CDC20B: variants seen among roughly 807,000 people sequenced by gnomAD.
The protein encoded by CDC20B is cell division cycle protein 20 homolog B.
CDC20B carries 58 observed loss-of-function variants against 64.1 expected under a neutral mutation model. The ratio of observed to expected loss-of-function variants is 0.90; its 90% CI spans 0.73 to 1.13. The LOEUF is 1.13. Among genes scored for constraint, CDC20B ranks in the 50% most tolerant of loss-of-function variants. The pLI, the probability that CDC20B is intolerant of heterozygous loss-of-function variation, is 0.00. For synonymous variants in CDC20B, 243 were observed against 230.6 expected (o/e 1.05, Z -0.49); for missense variants, 597 against 633.0 (o/e 0.94, Z 0.61).
intron 6 of CDC20B, among the ~76,000 whole-genome samples, chr5:55,129,736 A>G (rs1294475190): frequency 6.6e-6 from 1 of 152,244 alleles, no homozygotes; most frequent in African/African-American, 2.4e-5. Flanking sequence ...TCTGATCCAC[A>G]TGTATGAGAT....
chr5:55,153,927 T>C (rs991727958), intron 2 of CDC20B, among the ~76,000 whole-genome samples: 4 of 152,114 alleles, frequency 2.6e-5, no homozygotes, highest in African/African-American at 9.7e-5. Flanking sequence ...GCAAACAGTA[T>C]GGTGAAATTA....
intron 11 of CDC20B, among the ~76,000 whole-genome samples, chr5:55,115,992 A>G (rs1212448026): frequency 6.6e-6 from 1 of 152,166 alleles, no homozygotes; most frequent in Non-Finnish European, 1.5e-5. Flanking sequence ...GTTTACATTT[A>G]TAACGACAAT....
chr5:55,172,747 CACTTT>C (rs1433249909), intron 1 of CDC20B, 97 bp from the exon 2 acceptor site: 124 of 677,040 alleles, frequency 1.8e-4, no homozygotes, highest in Admixed American at 1.3e-3. Context: ...TGTCAGATTA[CACTTT>C]TTTTTTTTTT....
In CDC20B at chr5:55,127,381, G is replaced by A. The variant is rs753720234; in HGVS notation, c.895-30C>T. On this transcript the variant is annotated intron_variant, in intron 7 of 11. Transcript: ENST00000381375. ...AAAAATGAACAAGGAGAGTTATGTA[G>A]CATTGGAGTTTTCACAGCCCACTGT... 5 of 1,575,776 alleles carry A rather than the reference G, an allele frequency of 3.2e-6. No homozygotes were observed. In the South Asian group the frequency reaches 5.5e-5, roughly 17 times the overall value.
chr5:55,164,225 C>T, intron 2 of CDC20B: 1 of 1,518,970 alleles, frequency 6.6e-7, no homozygotes, highest in Non-Finnish European at 8.9e-7. Context: ...ATGAGAATGC[C>T]ATTGCGTTTC....
chr5:55,137,758 G>C, intron 5 of CDC20B: 1 of 441,814 alleles, frequency 2.3e-6, no homozygotes, highest in Non-Finnish European at 4.6e-6. Flanking sequence ...AAGGGGTGAA[G>C]ACACAAGAAC....
chr5:55,151,032 C>T (rs1743649676), intron 2 of CDC20B, among the ~76,000 whole-genome samples: 1 of 152,164 alleles, frequency 6.6e-6, no homozygotes, highest in Non-Finnish European at 1.5e-5. Flanking sequence ...AAGTATGAGG[C>T]CCCTCACAGG....
intron 2 of CDC20B, among the ~76,000 whole-genome samples, chr5:55,155,654 C>A (rs144930251): frequency 6.6e-6 from 1 of 152,262 alleles, no homozygotes; most frequent in East Asian, 1.9e-4. Flanking sequence ...GCAATATGAC[C>A]CACACACTGT....
At chr5:55,163,971 A>T in intron 2 of CDC20B, 1 of 1,035,364 alleles carries the variant, frequency 9.7e-7, no homozygotes, top group Non-Finnish European at 1.4e-6. Context: ...TACTAAAGTT[A>T]TCATTTATGC....
intron 11 of CDC20B, among the ~76,000 whole-genome samples, 156 bp downstream of exon 11, chr5:55,119,645 C>T (rs572991406): frequency 5.9e-4 from 90 of 152,260 alleles, no homozygotes; most frequent in African/African-American, 1.2e-3. Flanking sequence ...TTCAACTATA[C>T]GCTCTCTGAG....
intron 5 of CDC20B, among the ~76,000 whole-genome samples, chr5:55,139,502 T>C (rs1273575332): frequency 1.3e-5 from 2 of 151,988 alleles, no homozygotes; most frequent in Admixed American, 6.6e-5. Flanking sequence ...GAATAAAACA[T>C]TGGAGCATTT....
intron 2 of CDC20B, chr5:55,164,139 A>G: frequency 6.2e-7 from 1 of 1,605,764 alleles, no homozygotes; most frequent in Non-Finnish European, 8.5e-7. Flanking sequence ...TGGAAGCCAG[A>G]GGAGCCCATT....
At chr5:55,142,630 C>A (rs566145709) in intron 4 of CDC20B, among the ~76,000 whole-genome samples, 5 of 152,238 alleles carry the variant, frequency 3.3e-5, no homozygotes, top group African/African-American at 1.2e-4. Flanking sequence ...TTGAGGCCAC[C>A]AGTGCACCCT....
chr5:55,146,202 A>T (rs336071), intron 3 of CDC20B, among the ~76,000 whole-genome samples: 21,381 of 152,092 alleles, frequency 0.14, 1,755 homozygotes, highest in South Asian at 0.26. Context: ...CGCCAATCAC[A>T]GAAGCTGAGC....
At chr5:55,171,914 A>G in intron 2 of CDC20B, among the ~76,000 whole-genome samples, 1 of 152,200 alleles carries the variant, frequency 6.6e-6, no homozygotes, top group East Asian at 1.9e-4. Flanking sequence ...TGCAAAATTT[A>G]TATAAGATCT....
At chr5:55,141,126 T>TG (rs1332080874) in intron 4 of CDC20B, among the ~76,000 whole-genome samples, 3 of 152,124 alleles carry the variant, frequency 2.0e-5, no homozygotes, top group Non-Finnish European at 4.4e-5. Context: ...AAGAACACTT[T>TG]GGGGGGCCGT....
At chr5:55,119,028 C>T (rs575184535) in intron 11 of CDC20B, among the ~76,000 whole-genome samples, 2 of 152,342 alleles carry the variant, frequency 1.3e-5, no homozygotes, top group East Asian at 1.9e-4. Flanking sequence ...GTACCTCCCA[C>T]ATAATAGATG....
chr5:55,120,650 C>G, intron 9 of CDC20B, 100 bp from the exon 10 acceptor site: 1 of 1,384,386 alleles, frequency 7.2e-7, no homozygotes, highest in Non-Finnish European at 1.0e-6. Flanking sequence ...CACGTCTGCA[C>G]CTGTCACAGC....
chr5:55,140,284 G>A (rs902635842), intron 5 of CDC20B, 30 bp downstream of exon 5: 7 of 1,408,902 alleles, frequency 5.0e-6, no homozygotes, highest in Non-Finnish European at 3.9e-6. Flanking sequence ...GAGGAGCGCA[G>A]GAAAGAAGGA....
Sources: allele counts gnomAD v4.1 joint callset (sites outside exome capture counted in the v4.1 genomes callset), GRCh38; gene constraint gnomAD v4.1.1; transcripts MANE v1.5; gene names NCBI Gene and HGNC (gene_info 2026-07-23, HGNC 2026-07-21).